Variants in EXOC6B observed in about 807,000 individuals in gnomAD.
EXOC6B encodes the protein exocyst complex component 6B, also known as SEC15 homolog B.
Under a neutral mutation model 113.5 loss-of-function variants are expected in EXOC6B, and 54 were observed. That is an observed-to-expected ratio of 0.48 (90% CI 0.38 to 0.60). The LOEUF (loss-of-function observed/expected upper bound fraction) is 0.60. Among genes scored for constraint, EXOC6B ranks in the 20% least tolerant of loss-of-function variants. The probability of loss-of-function intolerance (pLI) is 0.00; values close to 1 mark genes in which losing one functional copy is unlikely to be tolerated. For missense variants in EXOC6B, 797 were observed against 977.5 expected (o/e 0.82, Z 2.46); for synonymous variants, 357 against 339.0 (o/e 1.05, Z -0.58).
chr2:72,304,316 T>C (rs531286825), intron 20 of EXOC6B, among the ~76,000 whole-genome samples: 1 of 152,326 alleles, frequency 6.6e-6, no homozygotes, highest in Admixed American at 6.5e-5. Context: ...ATTTCCTTAA[T>C]AGAATATTAC....
intron 18 of EXOC6B, among the ~76,000 whole-genome samples, chr2:72,419,833 T>A (rs1167996842): frequency 6.6e-6 from 1 of 152,220 alleles, no homozygotes; most frequent in African/African-American, 2.4e-5. Context: ...TTGATATTCA[T>A]GTCTTCCAAC....
At chr2:72,270,223 C>T (rs182725658) in intron 20 of EXOC6B, among the ~76,000 whole-genome samples, 3 of 152,186 alleles carry the variant, frequency 2.0e-5, no homozygotes, top group Admixed American at 2.0e-4. Flanking sequence ...GCTGCTAAAA[C>T]CCCTGGGTGG....
intron 18 of EXOC6B, among the ~76,000 whole-genome samples, chr2:72,432,309 T>C (rs1341384710): frequency 6.6e-6 from 1 of 152,232 alleles, no homozygotes; most frequent in African/African-American, 2.4e-5. Flanking sequence ...CCACATTTTC[T>C]TTATCCAGTC....
intron 6 of EXOC6B, among the ~76,000 whole-genome samples, chr2:72,689,531 T>C (rs904182711): frequency 1.3e-5 from 2 of 152,226 alleles, no homozygotes; most frequent in Admixed American, 6.5e-5. Flanking sequence ...TTCAGTTTCA[T>C]ATCCTAGGGG....
chr2:72,781,654 C>G (rs1398975416), intron 1 of EXOC6B, among the ~76,000 whole-genome samples: 1 of 152,184 alleles, frequency 6.6e-6, no homozygotes, highest in East Asian at 1.9e-4. Context: ...GCCAGTTAGC[C>G]AGAGCACTGC....
intron 6 of EXOC6B, among the ~76,000 whole-genome samples, chr2:72,701,273 C>A (rs1265499129): frequency 1.1e-4 from 16 of 139,990 alleles, no homozygotes; most frequent in African/African-American, 4.3e-4. Context: ...ACCAGGAAGT[C>A]AAAGGATGCA....
At chr2:72,717,142 A>C (rs1558944784) in intron 6 of EXOC6B, among the ~76,000 whole-genome samples, 1 of 152,194 alleles carries the variant, frequency 6.6e-6, no homozygotes, top group African/African-American at 2.4e-5. Flanking sequence ...AATTTAAAGG[A>C]AGAAAAGGGA....
chr2:72,179,514 A>C, intron 21 of EXOC6B, 53 bp from the exon 22 acceptor site: 1 of 1,609,116 alleles, frequency 6.2e-7, no homozygotes, highest in South Asian at 1.1e-5. Flanking sequence ...ACAATGGTGG[A>C]AGGAGAACCT....
At chr2:72,726,889 A>C (rs1680332516) in intron 5 of EXOC6B, among the ~76,000 whole-genome samples, 2 of 152,192 alleles carry the variant, frequency 1.3e-5, no homozygotes, top group Admixed American at 6.5e-5. Context: ...TATTTTTTAA[A>C]AAACACAAAT....
In EXOC6B at chr2:72,780,927, A is replaced by G. The variant is rs568205584; in HGVS notation, c.114-39458T>C. 2.0e-3 allele frequency among the ~76,000 whole-genome samples: 302 copies of G among 150,722 alleles called. 2 individuals are homozygous for G. The highest frequency in any genetic ancestry group is 3.4e-3 in the Middle Eastern group (1 of 292). On this transcript the variant is annotated intron_variant, in intron 1 of 21. Transcript: ENST00000272427. ...TGTTTTTGTAATTGTTACACTAAGG[A>G]AAAAAAAACTTTTAAATTGGGTTTT...
intron 18 of EXOC6B, among the ~76,000 whole-genome samples, chr2:72,421,597 T>C (rs1013771350): frequency 6.6e-6 from 1 of 152,254 alleles, no homozygotes; most frequent in Non-Finnish European, 1.5e-5. Flanking sequence ...TTTCCCAATA[T>C]AGCATTCACA....
chr2:72,760,276 C>T (rs1682662871), intron 1 of EXOC6B, among the ~76,000 whole-genome samples: 1 of 152,172 alleles, frequency 6.6e-6, no homozygotes, highest in African/African-American at 2.4e-5. Context: ...CAGCAAACTT[C>T]CCTGGCATAT....
intron 20 of EXOC6B, among the ~76,000 whole-genome samples, chr2:72,235,191 T>C (rs1326910015): frequency 8.5e-5 from 13 of 152,158 alleles, no homozygotes; most frequent in Admixed American, 7.9e-4. Context: ...ATGTGGTACA[T>C]ATACACCATG....
chr2:72,748,287 C>T (rs1013339484), intron 1 of EXOC6B, among the ~76,000 whole-genome samples: 30 of 151,998 alleles, frequency 2.0e-4, no homozygotes, highest in African/African-American at 7.2e-4. Flanking sequence ...CAAACATTTT[C>T]TTCTCATTAA....
At chr2:72,319,306 A>G (rs887601855) in intron 20 of EXOC6B, among the ~76,000 whole-genome samples, 1 of 152,160 alleles carries the variant, frequency 6.6e-6, no homozygotes, top group Non-Finnish European at 1.5e-5. Flanking sequence ...TTTAATGGTA[A>G]AAGACTGAAT....
intron 1 of EXOC6B, among the ~76,000 whole-genome samples, chr2:72,765,233 C>A (rs1242837737): frequency 6.6e-6 from 1 of 152,094 alleles, no homozygotes; most frequent in African/African-American, 2.4e-5. Context: ...GAGTTCAAGG[C>A]TGTAGTGAGC....
chr2:72,820,382 G>A (rs1210906822), intron 1 of EXOC6B, among the ~76,000 whole-genome samples: 1 of 152,066 alleles, frequency 6.6e-6, no homozygotes, highest in Non-Finnish European at 1.5e-5. Context: ...TTTTAACAGT[G>A]AAAAAGGTAA....
chr2:72,587,047 C>T (rs1705634032), intron 6 of EXOC6B, among the ~76,000 whole-genome samples: 1 of 152,168 alleles, frequency 6.6e-6, no homozygotes, highest in African/African-American at 2.4e-5. Flanking sequence ...TTTGACCTAG[C>T]AATCCCATTA....
intron 6 of EXOC6B, among the ~76,000 whole-genome samples, chr2:72,594,164 A>G (rs1245779879): frequency 1.3e-5 from 2 of 152,084 alleles, no homozygotes; most frequent in Non-Finnish European, 2.9e-5. Context: ...TAAATTTTTT[A>G]CAGAGACAGG....
Sources: allele counts gnomAD v4.1 joint callset (sites outside exome capture counted in the v4.1 genomes callset), GRCh38; gene constraint gnomAD v4.1.1; transcripts MANE v1.5; gene names NCBI Gene and HGNC (gene_info 2026-07-23, HGNC 2026-07-21).